The following STK3 variants were observed in gnomAD, a reference collection of about 807,000 sequenced individuals.
STK3 encodes the protein serine/threonine-protein kinase 3.
A neutral mutation model predicts 58.0 loss-of-function variants in STK3; 41 were observed. The observed-to-expected ratio is 0.71, with a 90% confidence interval of 0.55 to 0.92. STK3 has a LOEUF of 0.92. Among genes scored for constraint, STK3 ranks in the 40% least tolerant of loss-of-function variants. The pLI is 0.00. For missense variants in STK3, 479 were observed against 602.7 expected, an observed-to-expected ratio of 0.79 and a Z score of 2.15; for synonymous variants, 170 against 191.0, an observed-to-expected ratio of 0.89 and a Z score of 0.91.
At chr8:98,928,965 G>A (rs941856738) in intron 1 of STK3, among the ~76,000 whole-genome samples, 2 of 152,174 alleles carry the variant, frequency 1.3e-5, no homozygotes, top group African/African-American at 4.8e-5. Context: ...TTAATTCAAA[G>A]GTCAAAGCTT....
chr8:98,432,661 TG>T (rs1243490084), intron 3 of STK3: 1 of 167,132 alleles, frequency 6.0e-6, no homozygotes, highest in Non-Finnish European at 1.5e-5. Flanking sequence ...TTATGCACTT[TG>T]GGATAGTGGT....
chr8:98,617,921 C>G (rs1370254365), intron 6 of STK3, among the ~76,000 whole-genome samples: 5 of 152,080 alleles, frequency 3.3e-5, no homozygotes, highest in Non-Finnish European at 7.3e-5. Flanking sequence ...TGAAACTATT[C>G]CAATCAATAG....
intron 4 of STK3, among the ~76,000 whole-genome samples, chr8:98,721,578 A>G (rs1471386413): frequency 6.6e-6 from 1 of 151,798 alleles, no homozygotes; most frequent in Non-Finnish European, 1.5e-5. Context: ...TTATTTATTT[A>G]GAACATAGAG....
chr8:98,796,689 A>G (rs1833187331), intron 1 of STK3, among the ~76,000 whole-genome samples: 1 of 152,240 alleles, frequency 6.6e-6, no homozygotes, highest in Admixed American at 6.5e-5. Flanking sequence ...AGAATAGGAG[A>G]AAATATTTGC....
rs190875975 is a variant in STK3 at position 98,704,793 on chromosome 8, A to C, written c.684+1674T>G. ...ACATGTTGAACTATTTGGTTGGAAA[A>C]ATAAGATTTACACAGGGAAGAAGCA... is the stretch of plus-strand genomic sequence containing the variant. On this transcript the variant is annotated intron_variant, in intron 6 of 10. Transcript: ENST00000419617. 5.4e-3 allele frequency among the ~76,000 whole-genome samples: 826 copies of C among 152,326 alleles called. 7 individuals carry two copies. Among genetic ancestry groups the C allele is most frequent in the Non-Finnish European group, 6.5e-3 (442 of 68,034 alleles).
At chr8:98,715,113 C>T (rs976641119) in intron 4 of STK3, among the ~76,000 whole-genome samples, 1 of 151,604 alleles carries the variant, frequency 6.6e-6, no homozygotes, top group African/African-American at 2.4e-5. Context: ...CTTCCTTACA[C>T]CTTATACAAA....
chr8:98,738,274 AC>A (rs1319438542), intron 4 of STK3, among the ~76,000 whole-genome samples: 4 of 152,010 alleles, frequency 2.6e-5, no homozygotes, highest in Non-Finnish European at 5.9e-5. Flanking sequence ...GGAGTTCCAG[AC>A]CAGCCTGGCC....
chr8:98,587,829 A>G (rs1814801858), intron 7 of STK3, among the ~76,000 whole-genome samples: 2 of 152,088 alleles, frequency 1.3e-5, no homozygotes, highest in African/African-American at 4.8e-5. Flanking sequence ...TTCTTGTTGA[A>G]TTGATCCCTT....
chr8:98,364,488 C>T, the STK3 span, among the ~76,000 whole-genome samples: 1,013 of 152,306 alleles, frequency 6.7e-3, 10 homozygotes, highest in South Asian at 0.042. Context: ...CAATTCCAAG[C>T]CATATTTCTC....
At chr8:98,705,977 G>A (rs183149036) in intron 6 of STK3, among the ~76,000 whole-genome samples, 5 of 150,810 alleles carry the variant, frequency 3.3e-5, no homozygotes, top group East Asian at 3.9e-4. Flanking sequence ...AAAATTAGCC[G>A]AATTCCTTTA....
intron 6 of STK3, among the ~76,000 whole-genome samples, chr8:98,646,150 C>T (rs1820380892): frequency 6.6e-6 from 1 of 152,220 alleles, no homozygotes; most frequent in Non-Finnish European, 1.5e-5. Flanking sequence ...TATGACTAAA[C>T]TCTTCAAGGT....
At chr8:98,848,249 T>A (rs1057220061) in intron 3 of STK3, among the ~76,000 whole-genome samples, 1 of 151,472 alleles carries the variant, frequency 6.6e-6, no homozygotes, top group Non-Finnish European at 1.5e-5. Context: ...CTACTTTTTT[T>A]TTCTTTTTTT....
intron 3 of STK3, among the ~76,000 whole-genome samples, chr8:98,837,041 A>G (rs1462098372): frequency 1.3e-5 from 2 of 152,230 alleles, no homozygotes; most frequent in Non-Finnish European, 2.9e-5. Context: ...AAAAAGGCAA[A>G]TAATATTTAA....
At chr8:98,693,463 T>C (rs543780671) in intron 6 of STK3, among the ~76,000 whole-genome samples, 1 of 152,074 alleles carries the variant, frequency 6.6e-6, no homozygotes, top group Non-Finnish European at 1.5e-5. Context: ...TAGGCAGAGA[T>C]TAGAGTAAGA....
At chr8:98,397,241 C>A (rs145652361), downstream of STK3, among the ~76,000 whole-genome samples, 47 of 152,356 alleles carry the variant, frequency 3.1e-4, no homozygotes, top group East Asian at 7.7e-3. Flanking sequence ...CTTGAAACTG[C>A]TTCTGGACCA....
chr8:98,450,078 G>A (rs556552815), downstream of STK3, among the ~76,000 whole-genome samples: 87 of 152,252 alleles, frequency 5.7e-4, no homozygotes, highest in African/African-American at 1.9e-3. Flanking sequence ...AACCATTATA[G>A]CAACACAAAA....
At chr8:98,882,185 T>G (rs770453891), downstream of STK3, 17 of 152,170 alleles carry the variant, frequency 1.1e-4, no homozygotes, top group Non-Finnish European at 2.5e-4. Context: ...ACATTTAAAA[T>G]AGTCAGAATC....
intron 6 of STK3, among the ~76,000 whole-genome samples, chr8:98,614,965 C>A (rs1817556168): frequency 6.6e-6 from 1 of 152,310 alleles, no homozygotes; most frequent in African/African-American, 2.4e-5. Context: ...CACCAGAGTT[C>A]AAGGAGGCCT....
chr8:98,929,747 A>G (rs527342070), intron 1 of STK3, among the ~76,000 whole-genome samples: 1 of 152,282 alleles, frequency 6.6e-6, no homozygotes, highest in East Asian at 1.9e-4. Context: ...TTATATCCCT[A>G]TTTTTTAGTG....
Sources: allele counts gnomAD v4.1 joint callset (sites outside exome capture counted in the v4.1 genomes callset), GRCh38; gene constraint gnomAD v4.1.1; transcripts MANE v1.5; gene names NCBI Gene and HGNC (gene_info 2026-07-23, HGNC 2026-07-21).